Variants in PDE7B observed in about 807,000 individuals in gnomAD.
The protein encoded by PDE7B is 3',5'-cyclic-AMP phosphodiesterase 7B.
In PDE7B, 29 loss-of-function variants were observed where a neutral mutation model predicts 56.2. The observed-to-expected ratio is 0.52, with a 90% CI of 0.38 to 0.70. The LOEUF is 0.70. Among genes scored for constraint, PDE7B ranks in the 30% least tolerant of loss-of-function variants. The pLI, the probability that PDE7B is intolerant of heterozygous loss-of-function variation, is 0.00. For synonymous variants in PDE7B, 197 were observed against 196.9 expected (o/e 1.00, Z 0.00); for missense variants, 490 against 565.0 (o/e 0.87, Z 1.35).
At chr6:135,928,489 A>ATATATATATATT (rs1562442921) in intron 1 of PDE7B, among the ~76,000 whole-genome samples, 1,559 of 79,670 alleles carry the variant, frequency 0.02, 60 homozygotes, top group Middle Eastern at 0.039. Context: ...ATATTTATTT[A>ATATATATATATT]TATATATATA....
intron 2 of PDE7B, among the ~76,000 whole-genome samples, chr6:136,011,749 GC>G (rs1290054450): frequency 6.6e-6 from 1 of 152,154 alleles, no homozygotes; most frequent in Non-Finnish European, 1.5e-5. Context: ...TTCAATTAGA[GC>G]CTCATCGCTG....
At chr6:135,855,077 C>T (rs1288391062) in intron 1 of PDE7B, among the ~76,000 whole-genome samples, 1 of 152,178 alleles carries the variant, frequency 6.6e-6, no homozygotes, top group Non-Finnish European at 1.5e-5. Context: ...CTCTAATGAG[C>T]TGGGTGACTC....
chr6:135,905,984 A>G (rs1776093937), intron 1 of PDE7B, among the ~76,000 whole-genome samples: 2 of 152,134 alleles, frequency 1.3e-5, no homozygotes, highest in Non-Finnish European at 2.9e-5. Context: ...TCAAATTATA[A>G]AGAAGAGTCC....
At chr6:135,956,007 C>T (rs771004610) in intron 2 of PDE7B, among the ~76,000 whole-genome samples, 6 of 151,906 alleles carry the variant, frequency 3.9e-5, no homozygotes, top group South Asian at 2.1e-4. Context: ...GTGGCGGTGG[C>T]GACATAACAG....
chr6:136,001,312 C>T (rs533455261), intron 2 of PDE7B, among the ~76,000 whole-genome samples: 179 of 151,740 alleles, frequency 1.2e-3, no homozygotes, highest in Admixed American at 2.4e-3. Flanking sequence ...TCCAAAGGAA[C>T]GCAGTTCCTC....
chr6:135,916,593 A>G (rs985404007), intron 1 of PDE7B, among the ~76,000 whole-genome samples: 5 of 151,436 alleles, frequency 3.3e-5, no homozygotes, highest in African/African-American at 4.8e-5. Flanking sequence ...GGGTTTCACC[A>G]TGTTGGCCAG....
intron 2 of PDE7B, among the ~76,000 whole-genome samples, chr6:136,079,711 T>C (rs1420831096): frequency 6.9e-6 from 1 of 144,662 alleles, no homozygotes; most frequent in Non-Finnish European, 1.5e-5. Context: ...AGACCAGCCA[T>C]TTGGATTAGG....
At chr6:136,141,505 C>T (rs1778325588) in intron 3 of PDE7B, among the ~76,000 whole-genome samples, 1 of 152,196 alleles carries the variant, frequency 6.6e-6, no homozygotes, top group African/African-American at 2.4e-5. Flanking sequence ...AGGATTCCCT[C>T]TTTTTCTATT....
intron 1 of PDE7B, among the ~76,000 whole-genome samples, chr6:135,895,873 C>T (rs1324006337): frequency 1.3e-5 from 2 of 152,104 alleles, no homozygotes; most frequent in African/African-American, 2.4e-5. Context: ...TTTGTACTTC[C>T]TCCTCCACCA....
chr6:135,873,012 TA>T (rs1775415780), intron 1 of PDE7B, among the ~76,000 whole-genome samples: 1 of 152,148 alleles, frequency 6.6e-6, no homozygotes, highest in African/African-American at 2.4e-5. Flanking sequence ...TTTCTCAGTT[TA>T]TACTTCATTC....
chr6:135,872,996 A>C (rs1047479544), intron 1 of PDE7B, among the ~76,000 whole-genome samples: 1 of 152,096 alleles, frequency 6.6e-6, no homozygotes, highest in Non-Finnish European at 1.5e-5. Context: ...GAACTTAGGG[A>C]TGATTTTTCT....
chr6:136,002,705 T>G (rs1472964561), intron 2 of PDE7B, among the ~76,000 whole-genome samples: 1 of 152,046 alleles, frequency 6.6e-6, no homozygotes, highest in Non-Finnish European at 1.5e-5. Flanking sequence ...ATAAAGCAAG[T>G]CCCTAGTGAC....
At chr6:136,188,308 ACAAT>A (rs1445449023) in intron 12 of PDE7B, among the ~76,000 whole-genome samples, 1 of 151,938 alleles carries the variant, frequency 6.6e-6, no homozygotes, top group East Asian at 1.9e-4. Context: ...TGTAGTTTTC[ACAAT>A]CAAACCAATT....
At chr6:135,906,827 T>TTTTTTTTTTTTTTTTTTTTTTTTTTG (rs1554265693) in intron 1 of PDE7B, among the ~76,000 whole-genome samples, 2 of 133,454 alleles carry the variant, frequency 1.5e-5, no homozygotes, top group African/African-American at 2.8e-5. Flanking sequence ...TTTTTTTTTT[T>TTTTTTTTTTTTTTTTTTTTTTTTTTG]TTTTTTTTTA....
intron 1 of PDE7B, among the ~76,000 whole-genome samples, chr6:135,876,615 T>C (rs1299625407): frequency 6.6e-6 from 1 of 152,074 alleles, no homozygotes; most frequent in Non-Finnish European, 1.5e-5. Context: ...TCCCAGCACT[T>C]TGGGAGGCTG....
chr6:136,124,976 A>T (rs1777997387), intron 3 of PDE7B, among the ~76,000 whole-genome samples: 1 of 152,190 alleles, frequency 6.6e-6, no homozygotes, highest in South Asian at 2.1e-4. Flanking sequence ...ATTTGTGATA[A>T]AACAAATATT....
Position 136,068,917 on chromosome 6 carries a change from C to T in PDE7B, c.83-39814C>T, listed in dbSNP as rs568126636. 1.1e-4 allele frequency among the ~76,000 whole-genome samples: 16 copies of T among 152,240 alleles called. No homozygotes were observed. In the East Asian group the frequency reaches 1.7e-3, roughly 17 times the overall value. On this transcript the variant is annotated intron_variant, in intron 2 of 12. Transcript: ENST00000308191. ...CAATCTGTTTTGGGGTAAAATACTT[C>T]GATTTCTTTCAGGGCCTGCTATCTC...
intron 1 of PDE7B, among the ~76,000 whole-genome samples, chr6:135,854,101 C>A (rs905943806): frequency 2.0e-5 from 3 of 152,068 alleles, no homozygotes; most frequent in Non-Finnish European, 4.4e-5. Flanking sequence ...GTAAAATGAC[C>A]AAGTTTCCTC....
rs560323205 is a variant in PDE7B at position 136,128,430 on chromosome 6, GTTC to G, written c.167-18916_167-18914del. 2.0e-3 allele frequency among the ~76,000 whole-genome samples: 305 copies of G among 152,144 alleles called. 1 individual carries two copies. The highest frequency in any genetic ancestry group is 3.6e-3 in the Non-Finnish European group (247 of 67,998). ...AAGCATGGGAACTGTTTGAATGCCT[GTTC>G]TTCTACTTGTTACACGTGTTTTACT... On this transcript the variant is annotated intron_variant, in intron 3 of 12. Coordinates refer to ENST00000308191, the MANE Select transcript of PDE7B (RefSeq NM_018945.4).
Sources: allele counts gnomAD v4.1 joint callset (sites outside exome capture counted in the v4.1 genomes callset), GRCh38; gene constraint gnomAD v4.1.1; transcripts MANE v1.5; gene names NCBI Gene and HGNC (gene_info 2026-07-23, HGNC 2026-07-21).